ABHD10: variants seen among roughly 807,000 people sequenced by gnomAD.
ABHD10 encodes abhydrolase domain containing 10, depalmitoylase, also known as palmitoyl-protein thioesterase ABHD10, mitochondrial.
Under a neutral mutation model 33.1 loss-of-function variants are expected in ABHD10, and 22 were observed. That is an observed-to-expected ratio of 0.66 (90% CI 0.47 to 0.95). ABHD10 has a LOEUF of 0.95. ABHD10 is among the 40% of genes least tolerant of loss of function. The probability of loss-of-function intolerance (pLI) is 0.00; values close to 1 mark genes in which losing one functional copy is unlikely to be tolerated. For missense variants in ABHD10, 352 were observed against 379.9 expected (o/e 0.93, Z 0.61); for synonymous variants, 146 against 133.9 (o/e 1.09, Z -0.62).
chr3:111,986,888 A>G (rs1441197609), intron 3 of ABHD10, 26 bp from the exon 4 acceptor site: 1 of 1,551,760 alleles, frequency 6.4e-7, no homozygotes, highest in Non-Finnish European at 8.7e-7. Context: ...TTAAAGACCT[A>G]ATGTTTTATT....
At chr3:111,987,272 T>A (rs1039653287) in intron 4 of ABHD10, among the ~76,000 whole-genome samples, 3 of 152,252 alleles carry the variant, frequency 2.0e-5, no homozygotes, top group African/African-American at 7.2e-5. Context: ...TCTCTTCAAA[T>A]CATTCTGCCA....
chr3:111,982,243 A>G, intron 2 of ABHD10: 1 of 258,862 alleles, frequency 3.9e-6, no homozygotes, highest in South Asian at 1.7e-4. Flanking sequence ...GTATGTGACA[A>G]CAAACAGATA....
chr3:111,979,040 G>A lies in ABHD10; in HGVS notation c.-22G>A, dbSNP rs924623334. ...GCGTGTCCCTCAGTGGGACACTGCA[G>A]GGTGCGGGGACAACTACGAAGATGG... On this transcript the variant is annotated 5_prime_UTR_variant, in exon 1 of 5. Transcript: ENST00000273359. 8 of 1,608,018 alleles carry A rather than the reference G, an allele frequency of 5.0e-6. No individual in the cohort carries two copies. The highest frequency in any genetic ancestry group is 1.7e-5 in the Admixed American group (1 of 59,724).
chr3:111,979,923 T>G (rs529258638), intron 1 of ABHD10, among the ~76,000 whole-genome samples: 25 of 152,350 alleles, frequency 1.6e-4, no homozygotes, highest in African/African-American at 6.0e-4. Context: ...TTTTAAACTT[T>G]TATAATCAGA....
Position 111,979,212 on chromosome 3 carries a change from C to T in ABHD10, c.142+9C>T. ...GCCACGGTGGCTCCCAGGTCAGTGT[C>T]CGAAAGGCGGGAGTAGGATGCGTTC... is the stretch of plus-strand genomic sequence containing the variant. On this transcript the variant is annotated intron_variant, in intron 1 of 4. Coordinates refer to ENST00000273359, the MANE Select transcript of ABHD10 (RefSeq NM_018394.4). The T allele has an allele frequency of 1.9e-6, 3 of 1,591,734 alleles. No individual in the cohort carries two copies. The highest frequency in any genetic ancestry group is 2.6e-6 in the Non-Finnish European group (3 of 1,164,728).
At chr3:111,989,785 G>C (rs1383155634) in intron 4 of ABHD10, among the ~76,000 whole-genome samples, 1 of 151,238 alleles carries the variant, frequency 6.6e-6, no homozygotes, top group Non-Finnish European at 1.5e-5. Flanking sequence ...AAATCATTTG[G>C]AGACATATTT....
intron 2 of ABHD10, among the ~76,000 whole-genome samples, chr3:111,985,572 G>C (rs73232036): frequency 6.6e-6 from 1 of 152,098 alleles, no homozygotes; most frequent in African/African-American, 2.4e-5. Context: ...TATATCTCAA[G>C]TAGTAATAAG....
Position 111,979,332 on chromosome 3 carries a change from A to G in ABHD10, c.142+129A>G, listed in dbSNP as rs1045437379. The G allele has an allele frequency of 8.0e-6, 9 of 1,126,588 alleles. No homozygotes were observed. In the Admixed American group the frequency reaches 2.7e-4, roughly 34 times the overall value. 69.8% of individuals were successfully genotyped at this position (1,126,588 alleles called of 1,614,324 possible). On this transcript the variant is annotated intron_variant, in intron 1 of 4. Transcript: ENST00000273359. ...GCTCCTCCCCCTTTCTCAACACCCC[A>G]GTTCTAGGCGCTTTGTAGACTTCTG...
At chr3:111,981,311 C>CAAAAAAAAAAAAAAAAAAA (rs11301143) in intron 1 of ABHD10, among the ~76,000 whole-genome samples, 1 of 91,220 alleles carries the variant, frequency 1.1e-5, no homozygotes, top group Non-Finnish European at 2.1e-5. Flanking sequence ...GACCCTGTCT[C>CAAAAAAAAAAAAAAAAAAA]AAAAAAAAAA....
intron 2 of ABHD10, among the ~76,000 whole-genome samples, chr3:111,983,449 G>A (rs991677367): frequency 6.6e-6 from 1 of 152,046 alleles, no homozygotes. Flanking sequence ...TGGCTTTTCT[G>A]CATTTTTGGA....
At chr3:111,981,199 A>T (rs2072579444) in intron 1 of ABHD10, among the ~76,000 whole-genome samples, 2 of 150,180 alleles carry the variant, frequency 1.3e-5, no homozygotes, top group Admixed American at 1.3e-4. Context: ...GCTACTGGGG[A>T]GGCTGAGGTG....
chr3:111,981,892 A>G lies in ABHD10; in HGVS notation c.251A>G (p.Tyr84Cys), dbSNP rs745727846. 9 of 1,608,686 alleles carry G rather than the reference A, an allele frequency of 5.6e-6. No individual in the cohort carries two copies. The highest frequency in any genetic ancestry group is 1.3e-5 in the African/African-American group (1 of 74,912). The change falls in exon 2 of 5, where the codon TAT (tyrosine) becomes TGT (cysteine). Residue 84 changes from tyrosine to cysteine, a missense_variant. Tyr to Cys is a radical substitution (Grantham distance 194, BLOSUM62 -2). Transcript: ENST00000273359. ...CCAGGAATTATCTTCATCCCTGGCT[A>G]TCTTTCTTATATGAATGGTACAAAA... ...KSPGIIFIPG[Y>C]LSYMNGTKAL...
chr3:111,990,498 G>A (rs370010803), intron 4 of ABHD10, among the ~76,000 whole-genome samples: 3 of 151,618 alleles, frequency 2.0e-5, no homozygotes, highest in African/African-American at 7.3e-5. Context: ...ATGACTGCAT[G>A]TTACTCATTA....
intron 1 of ABHD10, among the ~76,000 whole-genome samples, chr3:111,979,995 A>G (rs2072560186): frequency 6.6e-6 from 1 of 152,242 alleles, no homozygotes; most frequent in African/African-American, 2.4e-5. Flanking sequence ...ACTCCTAGTA[A>G]AATGTAGTAT....
Position 111,981,693 on chromosome 3 carries a change from T to C in ABHD10, c.143-91T>C, listed in dbSNP as rs1030350605. ...GGAAATAGTATTTAACATCAATTCA[T>C]TGAGATAAGAAAGTTAAGATCGAAA... is the stretch of plus-strand genomic sequence containing the variant. On this transcript the variant is annotated intron_variant, in intron 1 of 4. Transcript: ENST00000273359. The C allele has an allele frequency of 1.6e-5, 18 of 1,159,530 alleles. No individual in the cohort carries two copies. The African/African-American group carries it at 2.4e-4, about 16-fold the overall frequency. 71.8% of individuals were successfully genotyped at this position (1,159,530 alleles called of 1,614,324 possible).
Position 111,979,191 on chromosome 3 carries a change from C to G in ABHD10, c.130C>G (p.Arg44Gly), listed in dbSNP as rs764147854. ...LLARIPQRAP[R>G]WLPACRQKTS... is the part of the protein sequence containing the mutation. ...TGCACGGATACCTCAGCGGGCGCCA[C>G]GGTGGCTCCCAGGTCAGTGTCCGAA... Residue 44 changes from arginine to glycine, a missense_variant, in exon 1 of 5, where the codon CGG becomes GGG. Physicochemically the swap from Arg to Gly is moderately radical, Grantham distance 125. Coordinates refer to ENST00000273359, the MANE Select transcript of ABHD10 (RefSeq NM_018394.4). 94 of 1,604,072 alleles carry G rather than the reference C, an allele frequency of 5.9e-5. No individual in the cohort carries two copies. The highest frequency in any genetic ancestry group is 8.5e-6 in the Non-Finnish European group (10 of 1,173,554).
chr3:111,991,098 C>A (rs1326408902), intron 4 of ABHD10, among the ~76,000 whole-genome samples: 1 of 152,120 alleles, frequency 6.6e-6, no homozygotes, highest in Non-Finnish European at 1.5e-5. Flanking sequence ...TAGCCCTGAA[C>A]TGTTGCACAC....
rs371246123 is a variant in ABHD10, at chr3:111,986,304, G to T, written c.367G>T (p.Glu123Ter). Residue 123 changes from glutamate (E) to a stop codon, truncating the protein, a stop_gained, in exon 3 of 5, where the codon GAG becomes TAG. Coordinates refer to ENST00000273359, the MANE Select transcript of ABHD10 (RefSeq NM_018394.4). LOFTEE classifies it high-confidence loss of function. ...AGTTGGAAGTTCAGATGGTAACTCA[G>T]AGGAAAGCACACTGGGGAAATGGAG... ...SGVGSSDGNSEESTLGKWRKD... is the reference protein window; with the variant it reads ...SGVGSSDGNS 2.0e-5 allele frequency: 33 copies of T among 1,613,920 alleles called. No individual in the cohort carries two copies. The highest frequency in any genetic ancestry group is 4.0e-5 in the African/African-American group (3 of 74,906).
In ABHD10 at chr3:111,986,918, T is replaced by C; in HGVS notation, c.443T>C (p.Leu148Pro). 1.3e-6 allele frequency: 2 copies of C among 1,585,142 alleles called. No homozygotes were observed. The change falls in exon 4 of 5, where the codon CTT (leucine) becomes CCT (proline). Residue 148 changes from leucine to proline, a missense_variant. Coordinates refer to ENST00000273359, the MANE Select transcript of ABHD10 (RefSeq NM_018394.4). ...IDDLADGPQI[L>P]VGSSLGGWLM... is the part of the protein sequence containing the mutation. The stretch of plus-strand genomic sequence containing the variant: ...TTTATTTTATTTTATTTTTAGATTC[T>C]TGTTGGATCTAGCCTTGGAGGGTGG...
Sources: allele counts gnomAD v4.1 joint callset (sites outside exome capture counted in the v4.1 genomes callset), GRCh38; gene constraint gnomAD v4.1.1; transcripts MANE v1.5; gene names NCBI Gene and HGNC (gene_info 2026-07-23, HGNC 2026-07-21).